The following GLIS1 variants were observed in gnomAD, a reference collection of about 807,000 sequenced individuals.
The protein encoded by GLIS1 is zinc finger protein GLIS1.
In GLIS1, 24 loss-of-function variants were observed where a neutral mutation model predicts 63.8. The observed-to-expected ratio is 0.38, with a 90% CI of 0.27 to 0.53. The LOEUF (loss-of-function observed/expected upper bound fraction) is 0.53, where lower values mean the gene tolerates loss of function less well. Among genes scored for constraint, GLIS1 ranks in the 20% least tolerant of loss-of-function variants. The pLI is 0.85. For missense variants in GLIS1, 1,036 were observed against 1,074.1 expected, an observed-to-expected ratio of 0.96 and a Z score of 0.50; for synonymous variants, 450 against 482.5, an observed-to-expected ratio of 0.93 and a Z score of 0.88.
At chr1:53,554,918 G>C (rs1001595295) in intron 4 of GLIS1, among the ~76,000 whole-genome samples, 1 of 152,178 alleles carries the variant, frequency 6.6e-6, no homozygotes, top group Non-Finnish European at 1.5e-5. Flanking sequence ...CATTCTCTGG[G>C]GCACAGAAAG....
intron 2 of GLIS1, among the ~76,000 whole-genome samples, chr1:53,631,318 G>A (rs559079399): frequency 6.6e-6 from 1 of 152,260 alleles, no homozygotes; most frequent in South Asian, 2.1e-4. Context: ...GATAATGTAG[G>A]TGAGGATTTA....
intron 4 of GLIS1, among the ~76,000 whole-genome samples, chr1:53,579,257 C>T (rs1340638078): frequency 6.6e-6 from 1 of 152,222 alleles, no homozygotes; most frequent in Non-Finnish European, 1.5e-5. Flanking sequence ...GGGGACTGGA[C>T]ACTCCTATTG....
At chr1:53,583,295 C>T (rs981045542) in intron 4 of GLIS1, among the ~76,000 whole-genome samples, 10 of 152,206 alleles carry the variant, frequency 6.6e-5, no homozygotes, top group Non-Finnish European at 1.0e-4. Flanking sequence ...CAGCCCAGGG[C>T]CCTGCCCAGG....
chr1:53,674,896 G>A (rs1477982231), intron 2 of GLIS1, among the ~76,000 whole-genome samples: 1 of 152,172 alleles, frequency 6.6e-6, no homozygotes, highest in Non-Finnish European at 1.5e-5. Flanking sequence ...AGTGCGGGAT[G>A]AGCCAAGCCT....
In GLIS1 at chr1:53,506,780, T is replaced by C. The variant is rs1442497844; in HGVS notation, c.2231-4A>G. 6.2e-7 allele frequency: 1 copy of C among 1,607,894 alleles called. No individual in the cohort carries two copies. Among genetic ancestry groups the C allele is most frequent in the Non-Finnish European group, 8.5e-7 (1 of 1,179,580 alleles). On this transcript the variant is annotated splice_polypyrimidine_tract_variant and splice_region_variant and intron_variant, in intron 10 of 10. Transcript: ENST00000628545. ...GCCTCAGCCAGGGCCTCATAGCCTG[T>C]GAGTGGTTGGGAAAGGGTCAGCGCT...
intron 2 of GLIS1, among the ~76,000 whole-genome samples, chr1:53,706,530 A>T (rs1254039584): frequency 6.6e-6 from 1 of 152,152 alleles, no homozygotes; most frequent in African/African-American, 2.4e-5. Context: ...CGCCTTCAGC[A>T]TTTTCTGCAA....
intron 2 of GLIS1, among the ~76,000 whole-genome samples, chr1:53,722,770 C>A (rs577599659): frequency 6.6e-6 from 1 of 150,828 alleles, no homozygotes; most frequent in African/African-American, 2.4e-5. Flanking sequence ...GAGGTGGAGG[C>A]TACAGTGAGC....
intron 4 of GLIS1, among the ~76,000 whole-genome samples, chr1:53,550,965 C>T (rs1322922753): frequency 6.6e-6 from 1 of 152,194 alleles, no homozygotes; most frequent in African/African-American, 2.4e-5. Context: ...ATTCTCCTGC[C>T]TCAGCCTTCC....
chr1:53,542,827 A>T (rs1272723178), intron 4 of GLIS1, among the ~76,000 whole-genome samples: 1 of 152,230 alleles, frequency 6.6e-6, no homozygotes, highest in East Asian at 1.9e-4. Flanking sequence ...TACCTGGGGC[A>T]TCCAGGCAGG....
At chr1:53,529,724 C>T in intron 5 of GLIS1, 67 bp downstream of exon 5, 2 of 1,519,260 alleles carry the variant, frequency 1.3e-6, no homozygotes, top group East Asian at 4.5e-5. Context: ...AGGGGCTCTG[C>T]ACTGAATGAG....
intron 6 of GLIS1, among the ~76,000 whole-genome samples, chr1:53,524,256 ACC>A (rs1644440972): frequency 6.6e-6 from 1 of 151,898 alleles, no homozygotes; most frequent in South Asian, 2.1e-4. Flanking sequence ...TAAACACTGC[ACC>A]CATGCCTGAC....
At chr1:53,604,805 G>A (rs545563765) in intron 2 of GLIS1, among the ~76,000 whole-genome samples, 25 of 152,128 alleles carry the variant, frequency 1.6e-4, no homozygotes, top group Middle Eastern at 6.8e-3. Flanking sequence ...TAGTCAGCAA[G>A]CTTTTTCTGT....
In GLIS1 at chr1:53,574,778, T is replaced by C. The variant is rs570164023; in HGVS notation, c.1320+19330A>G. On this transcript the variant is annotated intron_variant, in intron 4 of 10. Coordinates refer to ENST00000628545, the MANE Select transcript of GLIS1 (RefSeq NM_001367484.1). The surrounding 1 kb of genome is among the most constrained non-coding windows in gnomAD (Gnocchi z 4.2). ...GGGCACTGTGATCCTCATGGGGCCA[T>C]GGGGTCTAGCTGTGAATGTGGTAAA... Among the ~76,000 whole-genome samples, 1 of 152,164 alleles carries C rather than the reference T, an allele frequency of 6.6e-6. No individual in the cohort carries two copies. Among genetic ancestry groups the C allele is most frequent in the African/African-American group, 2.4e-5 (1 of 41,438 alleles).
chr1:53,735,426 G>A (rs555337882), intron 2 of GLIS1, among the ~76,000 whole-genome samples: 7 of 152,244 alleles, frequency 4.6e-5, no homozygotes, highest in Non-Finnish European at 1.0e-4. Flanking sequence ...TACCTCTCAC[G>A]CAAATGAAAA....
chr1:53,585,751 C>T (rs1162886913), intron 4 of GLIS1, among the ~76,000 whole-genome samples: 1 of 152,196 alleles, frequency 6.6e-6, no homozygotes, highest in Non-Finnish European at 1.5e-5. Context: ...TACTCAGAGG[C>T]CTGGCTGCAG....
At chr1:53,544,198 C>T (rs1452201511) in intron 4 of GLIS1, among the ~76,000 whole-genome samples, 5 of 152,226 alleles carry the variant, frequency 3.3e-5, no homozygotes, top group African/African-American at 1.2e-4. Context: ...CTGAACCGCT[C>T]GGCTATGACC....
At chr1:53,517,697 T>G (rs908039869) in intron 7 of GLIS1, among the ~76,000 whole-genome samples, 2 of 152,146 alleles carry the variant, frequency 1.3e-5, no homozygotes, top group Admixed American at 6.5e-5. Context: ...GGGAGCATCC[T>G]GCAATTGGAC....
At chr1:53,626,979 T>G (rs1645600973) in intron 2 of GLIS1, among the ~76,000 whole-genome samples, 1 of 152,272 alleles carries the variant, frequency 6.6e-6, no homozygotes, top group Non-Finnish European at 1.5e-5. Context: ...TAGAGCACTG[T>G]GAACACACAT....
At chr1:53,597,014 C>T (rs1393034057) in intron 3 of GLIS1, among the ~76,000 whole-genome samples, 1 of 151,530 alleles carries the variant, frequency 6.6e-6, no homozygotes, top group Admixed American at 6.6e-5. Context: ...TGGACCAGTC[C>T]CCTGAGAGAA....
Sources: gnomAD v4.1 joint callset for allele counts (sites outside exome capture counted in the v4.1 genomes callset) on GRCh38, gnomAD v4.1.1 for gene constraint, Gnocchi (gnomAD v3.1) non-coding constraint, MANE v1.5 for transcripts, NCBI Gene and HGNC (gene_info 2026-07-23, HGNC 2026-07-21) for gene names.